RBFOX1: variants seen among roughly 807,000 people sequenced by gnomAD.
RBFOX1 encodes the protein RNA binding protein fox-1 homolog 1.
Under a neutral mutation model 57.7 loss-of-function variants are expected in RBFOX1, and 8 were observed. The ratio of observed to expected loss-of-function variants is 0.14; its 90% CI spans 0.08 to 0.25. The LOEUF is 0.25. Among genes scored for constraint, RBFOX1 ranks in the 10% least tolerant of loss-of-function variants. RBFOX1 has a pLI of 1.00. For synonymous variants in RBFOX1, 326 were observed against 222.4 expected, an observed-to-expected ratio of 1.47 and a Z score of -4.15; for missense variants, 611 against 548.5, an observed-to-expected ratio of 1.11 and a Z score of -1.14.
intron 3 of RBFOX1, among the ~76,000 whole-genome samples, chr16:5,755,987 C>T (rs182583415): frequency 6.6e-6 from 1 of 152,060 alleles, no homozygotes; most frequent in African/African-American, 2.4e-5. Context: ...TTTGAAAAGA[C>T]CTCAGAGGTC....
intron 2 of RBFOX1, among the ~76,000 whole-genome samples, chr16:6,546,376 T>TAAA (rs2096895777): frequency 1.3e-5 from 2 of 152,190 alleles, no homozygotes; most frequent in African/African-American, 4.8e-5. Context: ...TGACAGACAT[T>TAAA]TATTGCCTCA....
At chr16:5,457,653 T>C (rs2068670426) in intron 1 of RBFOX1, among the ~76,000 whole-genome samples, 2 of 152,198 alleles carry the variant, frequency 1.3e-5, no homozygotes, top group African/African-American at 4.8e-5. Context: ...TCTTAAGTTG[T>C]CTTAGTGCAG....
At chr16:7,655,518 T>A (rs573225711) in intron 12 of RBFOX1, among the ~76,000 whole-genome samples, 1 of 152,250 alleles carries the variant, frequency 6.6e-6, no homozygotes, top group Non-Finnish European at 1.5e-5. Flanking sequence ...TTGTCGATAG[T>A]ATAATTTTTA....
At chr16:6,891,687 A>T (rs1210181465) in intron 3 of RBFOX1, among the ~76,000 whole-genome samples, 1 of 152,140 alleles carries the variant, frequency 6.6e-6, no homozygotes, top group Non-Finnish European at 1.5e-5. Flanking sequence ...GTTTTCCTTG[A>T]ACATACTTAA....
chr16:7,681,353 C>G (rs1390017044), intron 14 of RBFOX1, among the ~76,000 whole-genome samples: 1 of 152,046 alleles, frequency 6.6e-6, no homozygotes, highest in Non-Finnish European at 1.5e-5. Flanking sequence ...AAGCTAAATA[C>G]AGAAAATAGG....
At chr16:6,673,458 C>A (rs2098780560) in intron 3 of RBFOX1, among the ~76,000 whole-genome samples, 1 of 152,104 alleles carries the variant, frequency 6.6e-6, no homozygotes, top group Non-Finnish European at 1.5e-5. Flanking sequence ...CCTGGTGGTG[C>A]ATGCCTGTAA....
At chr16:5,369,144 A>G (rs2065798528) in intron 1 of RBFOX1, among the ~76,000 whole-genome samples, 1 of 151,996 alleles carries the variant, frequency 6.6e-6, no homozygotes, top group South Asian at 2.1e-4. Flanking sequence ...TAGGATTACA[A>G]ACATGTGCCA....
chr16:7,128,926 T>C (rs1175176280), intron 4 of RBFOX1, among the ~76,000 whole-genome samples: 1 of 150,996 alleles, frequency 6.6e-6, no homozygotes, highest in African/African-American at 2.4e-5. Flanking sequence ...GTTCAAGCCA[T>C]TCTCCTGCCT....
intron 1 of RBFOX1, among the ~76,000 whole-genome samples, chr16:6,148,887 C>T (rs1275390175): frequency 1.3e-5 from 2 of 152,064 alleles, no homozygotes; most frequent in Non-Finnish European, 2.9e-5. Context: ...AGTATTTCCA[C>T]CCCCCTCCCT....
At chr16:6,720,040 G>C (rs2065663846) in intron 3 of RBFOX1, among the ~76,000 whole-genome samples, 1 of 151,978 alleles carries the variant, frequency 6.6e-6, no homozygotes, top group Non-Finnish European at 1.5e-5. Context: ...GTTGCAGTGA[G>C]CCAAGATCAT....
chr16:7,551,256 C>A (rs777470287), intron 5 of RBFOX1, among the ~76,000 whole-genome samples: 14 of 152,032 alleles, frequency 9.2e-5, no homozygotes, highest in Non-Finnish European at 1.5e-4. Flanking sequence ...CACCACTTGT[C>A]CCCCAGAAAC....
At position 5,793,291 on chromosome 16, in the gene RBFOX1, G is replaced by A. The variant is rs559291455; in HGVS notation, c.319-74012G>A. Among the ~76,000 whole-genome samples the A allele has an allele frequency of 7.2e-5, 11 of 152,294 alleles. No individual in the cohort carries two copies. In the East Asian group the frequency reaches 1.4e-3, roughly 19 times the overall value. ...GCTGCCTCTGCTTCTCCCCTGGCCCGCCTCCGAAACTCAGCTTAACCGTGT... is the reference window on the plus strand; with the variant it reads ...GCTGCCTCTGCTTCTCCCCTGGCCCACCTCCGAAACTCAGCTTAACCGTGT... On this transcript the variant is annotated intron_variant, in intron 3 of 19. Transcript: ENST00000641259.
chr16:5,315,984 T>G (rs145012146), intron 1 of RBFOX1, among the ~76,000 whole-genome samples: 1 of 152,128 alleles, frequency 6.6e-6, no homozygotes, highest in South Asian at 2.1e-4. Context: ...TGGTCTCAAG[T>G]TCCACCTACA....
intron 10 of RBFOX1, among the ~76,000 whole-genome samples, chr16:7,616,817 C>T (rs545958459): frequency 6.6e-6 from 1 of 152,186 alleles, no homozygotes; most frequent in East Asian, 1.9e-4. Context: ...CAAGTATGAG[C>T]CACCATGGCT....
intron 4 of RBFOX1, among the ~76,000 whole-genome samples, chr16:7,191,750 G>C (rs903416822): frequency 6.6e-6 from 1 of 152,228 alleles, no homozygotes; most frequent in Non-Finnish European, 1.5e-5. Context: ...TAGAGCGAAA[G>C]CTGAAATAAT....
intron 3 of RBFOX1, among the ~76,000 whole-genome samples, chr16:5,640,480 C>T (rs183713077): frequency 9.2e-5 from 14 of 151,682 alleles, no homozygotes; most frequent in African/African-American, 3.4e-4. Flanking sequence ...GTACACCATG[C>T]ACACACATAT....
chr16:5,827,707 C>T (rs7185223), intron 3 of RBFOX1, among the ~76,000 whole-genome samples: 7,198 of 152,194 alleles, frequency 0.047, 389 homozygotes, highest in African/African-American at 0.13. Context: ...GAGTTAAATC[C>T]TTCCTAATTC....
intron 4 of RBFOX1, among the ~76,000 whole-genome samples, chr16:7,129,368 C>A (rs146132607): frequency 2.6e-5 from 4 of 152,016 alleles, no homozygotes; most frequent in African/African-American, 9.7e-5. Flanking sequence ...CCTACCTAAA[C>A]CATGGGTACT....
intron 13 of RBFOX1, among the ~76,000 whole-genome samples, chr16:7,667,931 C>A (rs1354475176): frequency 6.6e-6 from 1 of 152,162 alleles, no homozygotes; most frequent in African/African-American, 2.4e-5. Context: ...GCCTCGGTCT[C>A]CCAAAGTGCT....
Sources: gnomAD v4.1 joint callset for allele counts (sites outside exome capture counted in the v4.1 genomes callset) on GRCh38, gnomAD v4.1.1 for gene constraint, MANE v1.5 for transcripts, NCBI Gene and HGNC (gene_info 2026-07-23, HGNC 2026-07-21) for gene names.